LHX2: variants seen among roughly 807,000 people sequenced by gnomAD.
The protein encoded by LHX2 is LIM homeobox 2, also known as LIM/homeobox protein Lhx2.
A neutral mutation model predicts 33.0 loss-of-function variants in LHX2; 6 were observed. That is an observed-to-expected ratio of 0.18 (90% CI 0.10 to 0.36). The LOEUF is 0.36. Ranked by LOEUF, LHX2 falls within the 10% of genes least tolerant of loss-of-function variation. The pLI is 1.00. For synonymous variants in LHX2, 292 were observed against 253.1 expected, an observed-to-expected ratio of 1.15 and a Z score of -1.46; for missense variants, 442 against 586.2, an observed-to-expected ratio of 0.75 and a Z score of 2.54.
chr9:124,032,115 A>T lies in LHX2; in HGVS notation c.934-305A>T. 1 of 321,848 alleles carries T rather than the reference A, an allele frequency of 3.1e-6. No homozygotes were observed. Among genetic ancestry groups the T allele is most frequent in the East Asian group, 5.9e-5 (1 of 17,074 alleles). The allele number at this position is 321,848 out of a possible 1,614,324, so 19.9% of individuals were successfully genotyped here. ...TTAGCGGGGCCGGTGGTGCTCACCT[A>T]TCTATAGCCCCAGCTACCCAGGAGG... On this transcript the variant is annotated intron_variant, in intron 4 of 4. Coordinates refer to ENST00000373615, the MANE Select transcript of LHX2 (RefSeq NM_004789.4). The surrounding 1 kb of genome is among the most constrained non-coding windows in gnomAD (Gnocchi z 4.1).
In LHX2 at chr9:124,032,393, C is replaced by T. The variant is rs1299607510; in HGVS notation, c.934-27C>T. On this transcript the variant is annotated intron_variant, in intron 4 of 4. Transcript: ENST00000373615. The surrounding 1 kb of genome is among the most constrained non-coding windows in gnomAD (Gnocchi z 4.1). ...GGATGCTCTGCCTGCCTTCCGCTCA[C>T]CAGCCCTTCCCTGTCGTCCCCCGCA... The T allele has an allele frequency of 3.5e-5, 54 of 1,554,808 alleles. No individual in the cohort carries two copies. The highest frequency in any genetic ancestry group is 4.7e-5 in the Non-Finnish European group (54 of 1,150,504).
intron 3 of LHX2, among the ~76,000 whole-genome samples, chr9:124,017,904 C>T (rs1390460992): frequency 6.6e-6 from 1 of 151,934 alleles, no homozygotes; most frequent in African/African-American, 2.4e-5. Context: ...GAGGGGCTGC[C>T]AGCGGGCTGG....
chr9:124,015,901 G>C lies in LHX2; in HGVS notation c.727+376G>C, dbSNP rs1859181461. On this transcript the variant is annotated intron_variant, in intron 3 of 4. Coordinates refer to ENST00000373615, the MANE Select transcript of LHX2 (RefSeq NM_004789.4). The surrounding 1 kb of genome is among the most constrained non-coding windows in gnomAD (Gnocchi z 7.9). ...TGGCGCGGCTGAGGGCCGGGAACTG[G>C]GGCAGCGAAGGAACGAGGCAGGGCG... is the stretch of plus-strand genomic sequence containing the variant. Among the ~76,000 whole-genome samples, 1 of 152,258 alleles carries C rather than the reference G, an allele frequency of 6.6e-6. No individual in the cohort carries two copies. The highest frequency in any genetic ancestry group is 1.5e-5 in the Non-Finnish European group (1 of 68,050).
chr9:124,013,928 G>T, intron 1 of LHX2, 33 bp from the exon 2 acceptor site: 1 of 1,598,346 alleles, frequency 6.3e-7, no homozygotes, highest in East Asian at 2.2e-5. Context: ...GCTGACGCAG[G>T]CGCTGCTGTC....
Position 124,021,287 on chromosome 9 carries a change from A to T in LHX2, c.916A>T (p.Thr306Ser). ...LKQLAQKTGL[T>S]KRVLQVWFQN... ...GCAGCTCGCGCAAAAGACGGGCCTC[A>T]CCAAGCGGGTCCTCCAGGTCAGCCA... Residue 306 changes from threonine (T) to serine (S), a missense_variant, in exon 4 of 5, where the codon ACC becomes TCC. By Grantham distance (58) the Thr-to-Ser change is moderately conservative. Transcript: ENST00000373615. The T allele has an allele frequency of 1.2e-6, 2 of 1,613,722 alleles. No individual in the cohort carries two copies. The highest frequency in any genetic ancestry group is 1.7e-6 in the Non-Finnish European group (2 of 1,180,010).
chr9:124,013,840 GC>G, intron 1 of LHX2, 120 bp from the exon 2 acceptor site: 1 of 852,442 alleles, frequency 1.2e-6, no homozygotes, highest in South Asian at 1.6e-5. Context: ...TGTCCTGGCA[GC>G]CCCCTCCGCG....
At position 124,014,237 on chromosome 9, in the gene LHX2, T is replaced by G; in HGVS notation, c.323+74T>G. 2.0e-6 allele frequency: 2 copies of G among 998,424 alleles called. No individual in the cohort carries two copies. The highest frequency in any genetic ancestry group is 3.0e-6 in the Non-Finnish European group (2 of 660,318). The allele number at this position is 998,424 out of a possible 1,614,324, so 61.8% of individuals were successfully genotyped here. On this transcript the variant is annotated intron_variant, in intron 2 of 4. Transcript: ENST00000373615. This position sits in a 1 kb window ranked among gnomAD's most constrained non-coding sequence, Gnocchi z 4.8. ...GGCACAGTCTTACAGTTTGGCCCTC[T>G]CCTTTCCGTTTAGTCCCAGGAGAGG...
Position 124,016,565 on chromosome 9 carries a change from C to G in LHX2, c.727+1040C>G, listed in dbSNP as rs1450692420. 1.3e-5 allele frequency among the ~76,000 whole-genome samples: 2 copies of G among 152,104 alleles called. No homozygotes were observed. The highest frequency in any genetic ancestry group is 2.9e-5 in the Non-Finnish European group (2 of 68,032). ...GAAAAAAGCAAAAACAAAAACAAAC[C>G]CAAGACTGTGCAGAGGGTGCTACGG... is the stretch of plus-strand genomic sequence containing the variant. On this transcript the variant is annotated intron_variant, in intron 3 of 4. Coordinates refer to ENST00000373615, the MANE Select transcript of LHX2 (RefSeq NM_004789.4). This position sits in a 1 kb window ranked among gnomAD's most constrained non-coding sequence, Gnocchi z 4.4.
chr9:124,027,453 C>T (rs1828642387), intron 4 of LHX2, among the ~76,000 whole-genome samples: 1 of 152,186 alleles, frequency 6.6e-6, no homozygotes, highest in Non-Finnish European at 1.5e-5. Flanking sequence ...ATAATATTCA[C>T]ATCTACCGCA....
rs546949751 is a variant in LHX2 at position 124,016,020 on chromosome 9, AGGCTTGGGGAACTCG to A, written c.727+510_727+524del. On this transcript the variant is annotated intron_variant, in intron 3 of 4. Transcript: ENST00000373615. This position sits in a 1 kb window ranked among gnomAD's most constrained non-coding sequence, Gnocchi z 4.4. ...CCTCGTGAAATGTCCCAAGGGCGGCAGGCTTGGGGAACTCGGGCTTGGGGAACTCAGGAAAGCAAA... is the reference window on the plus strand; with the variant it reads ...CCTCGTGAAATGTCCCAAGGGCGGCAGGCTTGGGGAACTCAGGAAAGCAAA... Among the ~76,000 whole-genome samples the A allele has an allele frequency of 3.3e-3, 508 of 152,350 alleles. 3 individuals are homozygous for A. Among genetic ancestry groups the A allele is most frequent in the African/African-American group, 0.011 (466 of 41,578 alleles).
rs202222687 is a variant in LHX2, at chr9:124,032,071, C to CA, written c.934-343dup. Reference sequence around the variant, plus strand: ...TCAACATTGCAAGACCCCGTCTCTACAAAAAATAACTTAAAAAGTTAGCGG... The same window carrying CA: ...TCAACATTGCAAGACCCCGTCTCTACAAAAAAATAACTTAAAAAGTTAGCGG... On this transcript the variant is annotated intron_variant, in intron 4 of 4. Transcript: ENST00000373615. This position sits in a 1 kb window ranked among gnomAD's most constrained non-coding sequence, Gnocchi z 4.1. 1,260 of 204,454 alleles carry CA rather than the reference C, an allele frequency of 6.2e-3. 17 individuals are homozygous for CA. Among genetic ancestry groups the CA allele is most frequent in the African/African-American group, 0.027 (1,168 of 43,088 alleles). The allele number at this position is 204,454 out of a possible 1,614,324, so 12.7% of individuals were successfully genotyped here. A position where few individuals can be genotyped will look rare whatever the true frequency, so the allele number is the denominator to read the frequency against.
chr9:124,013,241 C>T (rs1238460793), intron 1 of LHX2, among the ~76,000 whole-genome samples: 1 of 152,250 alleles, frequency 6.6e-6, no homozygotes, highest in Non-Finnish European at 1.5e-5. Flanking sequence ...GCTCCGGGAG[C>T]AGGAGCAGCG....
intron 4 of LHX2, among the ~76,000 whole-genome samples, chr9:124,022,959 G>A (rs1859320121): frequency 6.6e-6 from 1 of 152,232 alleles, no homozygotes; most frequent in Admixed American, 6.5e-5. Flanking sequence ...CCTCCCTCAT[G>A]GTCTGTTTTG....
At chr9:124,029,684 C>T (rs576454394) in intron 4 of LHX2, among the ~76,000 whole-genome samples, 14 of 152,292 alleles carry the variant, frequency 9.2e-5, no homozygotes, top group East Asian at 5.8e-4. Flanking sequence ...AATGAGCACC[C>T]GGCAAAGCAC....
chr9:124,030,531 G>C (rs1283807949), intron 4 of LHX2, among the ~76,000 whole-genome samples: 2 of 152,118 alleles, frequency 1.3e-5, no homozygotes, highest in African/African-American at 4.8e-5. Context: ...AAAGTACTTC[G>C]TGGACCTCTG....
rs572198634 is a variant in LHX2, at chr9:124,015,630, C to G, written c.727+105C>G. The stretch of plus-strand genomic sequence containing the variant: ...CTCTGTGTGCTGGGCAAATAGCGAG[C>G]CTTAAGCACCGGACGGCCTCGCAGA... On this transcript the variant is annotated intron_variant, in intron 3 of 4. Transcript: ENST00000373615. The surrounding 1 kb of genome is among the most constrained non-coding windows in gnomAD (Gnocchi z 7.9). 2.0e-5 allele frequency: 25 copies of G among 1,262,794 alleles called. No homozygotes were observed. The East Asian group carries it at 5.2e-4, about 26-fold the overall frequency. 78.2% of individuals were successfully genotyped at this position (1,262,794 alleles called of 1,614,324 possible).
chr9:124,018,655 G>A (rs1353054497), intron 3 of LHX2, among the ~76,000 whole-genome samples: 2 of 151,984 alleles, frequency 1.3e-5, no homozygotes, highest in Non-Finnish European at 2.9e-5. Context: ...GCCTGTTTCC[G>A]GGACTCGCTT....
Position 124,032,189 on chromosome 9 carries a change from T to G in LHX2, c.934-231T>G. On this transcript the variant is annotated intron_variant, in intron 4 of 4. Transcript: ENST00000373615. This position sits in a 1 kb window ranked among gnomAD's most constrained non-coding sequence, Gnocchi z 4.1. ...CCCAGGAGTTAGAAGCTGCAGTGAG[T>G]CGAGATTGTGTCACTGCACTTCAGC... The G allele has an allele frequency of 2.1e-6, 1 of 485,512 alleles. No homozygotes were observed. The highest frequency in any genetic ancestry group is 3.5e-5 in the East Asian group (1 of 28,954). The allele number at this position is 485,512 out of a possible 1,614,324, so 30.1% of individuals were successfully genotyped here.
chr9:124,013,930 G>T (rs1264702154), intron 1 of LHX2, 31 bp from the exon 2 acceptor site: 2 of 1,598,312 alleles, frequency 1.3e-6, no homozygotes, highest in South Asian at 1.1e-5. Flanking sequence ...TGACGCAGGC[G>T]CTGCTGTCTT....
Sources: allele counts gnomAD v4.1 joint callset (sites outside exome capture counted in the v4.1 genomes callset), GRCh38; gene constraint gnomAD v4.1.1; non-coding constraint Gnocchi (gnomAD v3.1); transcripts MANE v1.5; gene names NCBI Gene and HGNC (gene_info 2026-07-23, HGNC 2026-07-21).